The following SNX29 variants were observed in gnomAD, a reference collection of about 807,000 sequenced individuals.
SNX29 encodes sorting nexin-29.
SNX29 carries 78 observed loss-of-function variants against 102.1 expected under a neutral mutation model. The observed-to-expected ratio is 0.76, with a 90% CI of 0.64 to 0.92. The LOEUF (loss-of-function observed/expected upper bound fraction) is 0.92. Among genes scored for constraint, SNX29 ranks in the 40% least tolerant of loss-of-function variants. The probability of loss-of-function intolerance (pLI) is 0.00; values close to 1 mark genes in which losing one functional copy is unlikely to be tolerated. For missense variants in SNX29, 1,280 were observed against 1,061.7 expected (o/e 1.21, Z -2.86); for synonymous variants, 580 against 414.5 (o/e 1.40, Z -4.85).
chr16:12,188,182 CATTT>C (rs2076558756), intron 13 of SNX29, among the ~76,000 whole-genome samples: 2 of 152,280 alleles, frequency 1.3e-5, no homozygotes, highest in African/African-American at 4.8e-5. Flanking sequence ...TAACCGCTAA[CATTT>C]ATTTAATAAT....
chr16:12,472,838 C>T (rs1281282560), intron 18 of SNX29, among the ~76,000 whole-genome samples: 1 of 152,110 alleles, frequency 6.6e-6, no homozygotes, highest in Non-Finnish European at 1.5e-5. Flanking sequence ...GAAAAGAAAT[C>T]TTCAGATTTG....
intron 13 of SNX29, among the ~76,000 whole-genome samples, chr16:12,162,136 C>T (rs2055812366): frequency 6.6e-6 from 1 of 152,254 alleles, no homozygotes; most frequent in South Asian, 2.1e-4. Flanking sequence ...CTTGTTCCAA[C>T]TGGATGGCTT....
intron 20 of SNX29, among the ~76,000 whole-genome samples, chr16:12,562,882 G>A (rs189080613): frequency 3.3e-5 from 5 of 152,232 alleles, no homozygotes; most frequent in Admixed American, 3.3e-4. Context: ...GTCATTTCTA[G>A]TTTTGGGAAT....
chr16:12,563,025 C>T (rs115484381), intron 20 of SNX29, among the ~76,000 whole-genome samples: 39,559 of 151,818 alleles, frequency 0.26, 5,726 homozygotes, highest in East Asian at 0.44. Flanking sequence ...ACCGTGTTTA[C>T]ATCATTGCAA....
intron 15 of SNX29, among the ~76,000 whole-genome samples, chr16:12,303,705 G>C (rs960166822): frequency 1.3e-5 from 2 of 152,172 alleles, no homozygotes. Context: ...TCTTGTTATG[G>C]TTCCTCATTT....
intron 1 of SNX29, among the ~76,000 whole-genome samples, chr16:11,981,461 C>A (rs2150959836): frequency 6.6e-6 from 1 of 152,186 alleles, no homozygotes; most frequent in Non-Finnish European, 1.5e-5. Flanking sequence ...CTACAGGCTG[C>A]CCTTTAATCT....
chr16:12,221,020 C>T lies in SNX29; in HGVS notation c.1678+21337C>T, dbSNP rs1380066292. Among the ~76,000 whole-genome samples the T allele has an allele frequency of 2.0e-5, 3 of 152,144 alleles. No individual in the cohort carries two copies. The East Asian group carries it at 5.8e-4, about 29-fold the overall frequency. ...TTATTACAGTCTGCCTCGATGCTCA[C>T]CCTCTCTTCATTGGCAGGGGAGCAA... On this transcript the variant is annotated intron_variant, in intron 14 of 20. Transcript: ENST00000566228.
intron 20 of SNX29, among the ~76,000 whole-genome samples, chr16:12,553,441 G>A (rs1230994655): frequency 2.0e-5 from 3 of 152,168 alleles, no homozygotes; most frequent in East Asian, 3.9e-4. Context: ...CCAACCTGCT[G>A]AGCATGGTGT....
At chr16:12,539,076 G>A (rs992901863) in intron 20 of SNX29, among the ~76,000 whole-genome samples, 1 of 152,226 alleles carries the variant, frequency 6.6e-6, no homozygotes, top group East Asian at 1.9e-4. Flanking sequence ...ATAGGGCCAA[G>A]TTTAATAGAT....
intron 11 of SNX29, chr16:12,081,526 G>C (rs2151355473): frequency 6.6e-6 from 1 of 152,314 alleles, no homozygotes; most frequent in Non-Finnish European, 1.5e-5. Context: ...AAGTTCTGTA[G>C]CCAGGCGTGG....
chr16:12,425,389 C>T (rs1192630928), intron 18 of SNX29, among the ~76,000 whole-genome samples: 2 of 151,966 alleles, frequency 1.3e-5, no homozygotes, highest in African/African-American at 2.4e-5. Flanking sequence ...CCTCTGGTCT[C>T]TGGATGATGC....
intron 8 of SNX29, among the ~76,000 whole-genome samples, chr16:12,055,418 A>G (rs1334865491): frequency 1.3e-5 from 2 of 151,992 alleles, no homozygotes; most frequent in Non-Finnish European, 2.9e-5. Context: ...TTTAGTAGAG[A>G]TGGGGTTTTA....
At chr16:12,551,734 C>G (rs749788281) in intron 20 of SNX29, among the ~76,000 whole-genome samples, 24 of 152,334 alleles carry the variant, frequency 1.6e-4, no homozygotes, top group Non-Finnish European at 1.0e-4. Flanking sequence ...GGACAGCTGA[C>G]AAGAAATACT....
intron 14 of SNX29, among the ~76,000 whole-genome samples, chr16:12,257,349 G>A (rs1184205515): frequency 2.6e-5 from 4 of 152,166 alleles, no homozygotes; most frequent in African/African-American, 7.2e-5. Flanking sequence ...CACGTCATTA[G>A]ATTGGGCTCA....
chr16:12,388,604 T>G (rs936280304), intron 16 of SNX29, among the ~76,000 whole-genome samples: 1 of 152,248 alleles, frequency 6.6e-6, no homozygotes, highest in African/African-American at 2.4e-5. Context: ...CTCTCACTGT[T>G]ACTCCACTTT....
intron 15 of SNX29, among the ~76,000 whole-genome samples, chr16:12,301,662 A>G (rs902975750): frequency 2.0e-5 from 3 of 152,180 alleles, no homozygotes; most frequent in African/African-American, 7.2e-5. Flanking sequence ...CTAGAATGTA[A>G]CTTCCAGGAA....
chr16:12,550,324 G>T (rs1228114455), intron 20 of SNX29, among the ~76,000 whole-genome samples: 1 of 152,096 alleles, frequency 6.6e-6, no homozygotes, highest in African/African-American at 2.4e-5. Context: ...GTCACCTGAG[G>T]TCGAGTGTGA....
chr16:12,418,892 C>T (rs1389776827), intron 18 of SNX29, among the ~76,000 whole-genome samples: 1 of 152,174 alleles, frequency 6.6e-6, no homozygotes, highest in African/African-American at 2.4e-5. Flanking sequence ...CAGAAGTCCC[C>T]TTCTCCATGA....
rs959425389 is a variant in SNX29, at chr16:12,135,467, T to C, written c.1595+5709T>C. On this transcript the variant is annotated intron_variant, in intron 13 of 20. Transcript: ENST00000566228. ...CATGAGGGCTTTACAGGAGGGCATG[T>C]GACCAGGATGGTCTGATAAGAGCCA... 8 of 1,282,418 alleles carry C rather than the reference T, an allele frequency of 6.2e-6. No homozygotes were observed. The East Asian group carries it at 2.6e-4, about 41-fold the overall frequency. The allele number at this position is 1,282,418 out of a possible 1,614,324, so 79.4% of individuals were successfully genotyped here.
Sources: allele counts gnomAD v4.1 joint callset (sites outside exome capture counted in the v4.1 genomes callset), GRCh38; gene constraint gnomAD v4.1.1; transcripts MANE v1.5; gene names NCBI Gene and HGNC (gene_info 2026-07-23, HGNC 2026-07-21).